The following NCOA7 variants were observed in gnomAD, a reference collection of about 807,000 sequenced individuals.
NCOA7 encodes 140 kDa estrogen receptor-associated protein.
NCOA7 carries 45 observed loss-of-function variants against 104.3 expected under a neutral mutation model. That is an observed-to-expected ratio of 0.43 (90% confidence interval 0.34 to 0.55). NCOA7 has a LOEUF of 0.55. Ranked by LOEUF, NCOA7 falls within the 20% of genes least tolerant of loss-of-function variation. The pLI is 0.02. For synonymous variants in NCOA7, 398 were observed against 402.3 expected (o/e 0.99, Z 0.13); for missense variants, 1,041 against 1,119.7 (o/e 0.93, Z 1.00).
At chr6:125,875,149 A>C in intron 4 of NCOA7, 181 bp downstream of exon 4, 10 of 507,192 alleles carry the variant, frequency 2.0e-5, no homozygotes, top group Non-Finnish European at 2.9e-5. Flanking sequence ...GGTCAATCTC[A>C]AATAAACCAG....
At chr6:125,872,732 G>A (rs750949675) in intron 3 of NCOA7, among the ~76,000 whole-genome samples, 18 of 152,162 alleles carry the variant, frequency 1.2e-4, no homozygotes, top group Non-Finnish European at 2.5e-4. Flanking sequence ...ACACAAACTA[G>A]TTTTTACATT....
At chr6:125,860,846 G>T (rs1429564870) in intron 3 of NCOA7, among the ~76,000 whole-genome samples, 2 of 152,056 alleles carry the variant, frequency 1.3e-5, no homozygotes, top group East Asian at 1.9e-4. Flanking sequence ...AATAAGGGGG[G>T]ACAAGACTAA....
At chr6:125,820,391 C>T (rs1186571751) in intron 2 of NCOA7, among the ~76,000 whole-genome samples, 1 of 152,192 alleles carries the variant, frequency 6.6e-6, no homozygotes, top group Non-Finnish European at 1.5e-5. Context: ...AACCAACTAA[C>T]AAGATGCTTT....
At chr6:125,832,874 T>A (rs1057169215) in intron 2 of NCOA7, among the ~76,000 whole-genome samples, 1 of 152,184 alleles carries the variant, frequency 6.6e-6, no homozygotes, top group Non-Finnish European at 1.5e-5. Context: ...GCTCCAGATT[T>A]CAGGTCTGTG....
intron 1 of NCOA7, among the ~76,000 whole-genome samples, chr6:125,791,890 T>A (rs1037104221): frequency 3.9e-5 from 6 of 152,220 alleles, no homozygotes; most frequent in Admixed American, 6.5e-5. Flanking sequence ...AGTTTATACA[T>A]CAGAGCTTTT....
chr6:125,876,037 C>T (rs1203400416), intron 4 of NCOA7, among the ~76,000 whole-genome samples: 1 of 152,198 alleles, frequency 6.6e-6, no homozygotes, highest in Non-Finnish European at 1.5e-5. Flanking sequence ...TTAAGTAGCA[C>T]TCTTGAGGAG....
intron 1 of NCOA7, among the ~76,000 whole-genome samples, chr6:125,796,455 T>G (rs781714175): frequency 6.6e-6 from 1 of 150,840 alleles, no homozygotes; most frequent in Non-Finnish European, 1.5e-5. Flanking sequence ...GTTTCTGATA[T>G]CCAATGGTAT....
At chr6:125,859,493 C>G (rs997098383) in intron 3 of NCOA7, among the ~76,000 whole-genome samples, 1 of 151,658 alleles carries the variant, frequency 6.6e-6, no homozygotes, top group African/African-American at 2.4e-5. Flanking sequence ...ATGAATGTAT[C>G]GAAAAAAAGA....
chr6:125,784,891 C>G (rs1335094213), intron 1 of NCOA7, among the ~76,000 whole-genome samples: 1 of 151,978 alleles, frequency 6.6e-6, no homozygotes, highest in Non-Finnish European at 1.5e-5. Context: ...AGAGGAAGAT[C>G]AGTATGATTC....
chr6:125,877,290 A>G (rs1384751856), intron 4 of NCOA7, among the ~76,000 whole-genome samples: 1 of 152,064 alleles, frequency 6.6e-6, no homozygotes, highest in Admixed American at 6.6e-5. Flanking sequence ...CTACATCTCT[A>G]CCCTTTCACC....
intron 1 of NCOA7, among the ~76,000 whole-genome samples, chr6:125,814,746 A>G (rs1235550222): frequency 6.6e-6 from 1 of 152,158 alleles, no homozygotes; most frequent in African/African-American, 2.4e-5. Context: ...ATGCTGAGGA[A>G]CAGCTTCCTG....
intron 1 of NCOA7, among the ~76,000 whole-genome samples, chr6:125,811,535 G>A (rs140796799): frequency 2.6e-4 from 40 of 152,272 alleles, no homozygotes; most frequent in African/African-American, 8.4e-4. Flanking sequence ...GGAAGGCTTT[G>A]AAGTAGAATT....
At chr6:125,826,420 T>G (rs1778665120) in intron 2 of NCOA7, among the ~76,000 whole-genome samples, 1 of 152,144 alleles carries the variant, frequency 6.6e-6, no homozygotes. Context: ...CCAATATATG[T>G]AATCTTTACC....
intron 10 of NCOA7, among the ~76,000 whole-genome samples, chr6:125,897,088 C>G (rs542772989): frequency 6.6e-6 from 1 of 152,318 alleles, no homozygotes; most frequent in South Asian, 2.1e-4. Context: ...TGTGCTTTCA[C>G]AATAAAAATG....
At chr6:125,800,071 T>C (rs537905022) in intron 1 of NCOA7, among the ~76,000 whole-genome samples, 9 of 152,340 alleles carry the variant, frequency 5.9e-5, no homozygotes, top group African/African-American at 1.9e-4. Flanking sequence ...AGCAAATGCA[T>C]TTATAATAGG....
intron 2 of NCOA7, among the ~76,000 whole-genome samples, chr6:125,848,601 G>A (rs1222311715): frequency 3.9e-5 from 6 of 152,110 alleles, no homozygotes; most frequent in African/African-American, 1.4e-4. Flanking sequence ...ATTGAACGAT[G>A]AGAACACTTG....
intron 2 of NCOA7, among the ~76,000 whole-genome samples, chr6:125,847,216 C>T (rs1780695556): frequency 6.6e-6 from 1 of 152,016 alleles, no homozygotes; most frequent in African/African-American, 2.4e-5. Flanking sequence ...GTATCTTTAG[C>T]CTTCTCTCTA....
intron 3 of NCOA7, among the ~76,000 whole-genome samples, chr6:125,859,263 G>A (rs1781847389): frequency 6.6e-6 from 1 of 151,934 alleles, no homozygotes; most frequent in African/African-American, 2.4e-5. Context: ...GGCAAAAATT[G>A]ACAGACTAGG....
chr6:125,810,056 TA>T (rs1387306044), intron 1 of NCOA7: 1 of 152,220 alleles, frequency 6.6e-6, no homozygotes, highest in Admixed American at 6.5e-5. Context: ...TGTCTTTCAA[TA>T]ACCTTTGGAG....
Sources: allele counts gnomAD v4.1 joint callset (sites outside exome capture counted in the v4.1 genomes callset), GRCh38; gene constraint gnomAD v4.1.1; transcripts MANE v1.5; gene names NCBI Gene and HGNC (gene_info 2026-07-23, HGNC 2026-07-21).